The following AAK1 variants were observed in gnomAD, a reference collection of about 807,000 sequenced individuals.
AAK1 encodes the protein AP2 associated kinase 1, also known as AP2-associated protein kinase 1.
Under a neutral mutation model 116.0 loss-of-function variants are expected in AAK1, and 37 were observed. The observed-to-expected ratio is 0.32, with a 90% CI of 0.25 to 0.42. The LOEUF is 0.42. Among genes scored for constraint, AAK1 ranks in the 10% least tolerant of loss-of-function variants. The pLI, the probability that AAK1 is intolerant of heterozygous loss-of-function variation, is 1.00. For synonymous variants in AAK1, 458 were observed against 439.9 expected (o/e 1.04, Z -0.51); for missense variants, 919 against 1,170.6 (o/e 0.79, Z 3.14).
chr2:69,524,694 A>G (rs1215362701), intron 10 of AAK1, among the ~76,000 whole-genome samples: 1 of 152,080 alleles, frequency 6.6e-6, no homozygotes, highest in Non-Finnish European at 1.5e-5. Flanking sequence ...AGGCCTCCCA[A>G]AGTGCTGGGA....
chr2:69,638,703 G>A (rs1477038372), intron 2 of AAK1, among the ~76,000 whole-genome samples: 2 of 152,172 alleles, frequency 1.3e-5, no homozygotes, highest in Non-Finnish European at 2.9e-5. Context: ...CTCTCAGCCT[G>A]AGAGGTCCTG....
At position 69,546,968 on chromosome 2, in the gene AAK1, A is replaced by G. The variant is rs187308420; in HGVS notation, c.283-2424T>C. Among the ~76,000 whole-genome samples the G allele has an allele frequency of 4.5e-4, 68 of 152,312 alleles. No individual in the cohort carries two copies. In the East Asian group the frequency reaches 8.3e-3, roughly 19 times the overall value. On this transcript the variant is annotated intron_variant, in intron 3 of 21. Transcript: ENST00000409085. ...GGGAAGCAGTTCATTGATTTATATT[A>G]TGGCACAAGATCCTTTGAGTGGCAT...
At chr2:69,628,590 G>C (rs927917820) in intron 2 of AAK1, among the ~76,000 whole-genome samples, 2 of 152,110 alleles carry the variant, frequency 1.3e-5, no homozygotes, top group Non-Finnish European at 1.5e-5. Flanking sequence ...TGGTAGACTT[G>C]AACAACACTC....
At chr2:69,627,730 T>A (rs952504845) in intron 2 of AAK1, among the ~76,000 whole-genome samples, 3 of 152,168 alleles carry the variant, frequency 2.0e-5, no homozygotes, top group Non-Finnish European at 4.4e-5. Context: ...CCTTATGAGA[T>A]CTCACTCCAT....
chr2:69,561,783 T>G (rs1170126407), intron 2 of AAK1, among the ~76,000 whole-genome samples: 2 of 152,170 alleles, frequency 1.3e-5, no homozygotes, highest in Admixed American at 1.3e-4. Context: ...TTAAATAACT[T>G]TGGATCTGCT....
rs548438044 is a variant in AAK1 at position 69,476,966 on chromosome 2, G to A, written c.2705C>T (p.Ser902Leu). The A allele has an allele frequency of 2.5e-6, 4 of 1,612,894 alleles. No individual in the cohort carries two copies. The South Asian group carries it at 4.4e-5, about 18-fold the overall frequency. Reference protein sequence around the residue: ...HKAAEDSNLISGFDVPEGSDK... With the variant: ...HKAAEDSNLILGFDVPEGSDK... ...CGAGCCCTCAGGGACATCAAAACCT[G>A]AGATGAGATTACTATCTTCTGCAGC... The change falls in exon 21 of 22, where the codon TCA becomes TTA. Residue 902 changes from serine to leucine, a missense_variant. Transcript: ENST00000409085.
intron 15 of AAK1, 97 bp downstream of exon 15, chr2:69,507,324 T>C: frequency 1.4e-6 from 2 of 1,427,510 alleles, no homozygotes; most frequent in Admixed American, 2.3e-5. Flanking sequence ...TCCACATGCA[T>C]ACCCTTCTAG....
chr2:69,473,682 T>C lies in AAK1; in HGVS notation c.*2187A>G. On this transcript the variant is annotated 3_prime_UTR_variant, in exon 22 of 22. Transcript: ENST00000409085. Reference sequence around the variant, plus strand: ...AATTTCTAAACTGTACTCTTCATAGTTTCAATTAAATTGAGAAACTAGATA... The same window carrying C: ...AATTTCTAAACTGTACTCTTCATAGCTTCAATTAAATTGAGAAACTAGATA... 1 of 968,248 alleles carries C rather than the reference T, an allele frequency of 1.0e-6. No homozygotes were observed. The highest frequency in any genetic ancestry group is 4.8e-5 in the South Asian group (1 of 20,882). 60.0% of individuals were successfully genotyped at this position (968,248 alleles called of 1,614,324 possible).
intron 17 of AAK1, among the ~76,000 whole-genome samples, chr2:69,489,778 A>G (rs1675448403): frequency 6.6e-6 from 1 of 152,226 alleles, no homozygotes; most frequent in Non-Finnish European, 1.5e-5. Context: ...AGTTCTTAGC[A>G]TTGAGAAACC....
intron 4 of AAK1, among the ~76,000 whole-genome samples, chr2:69,543,332 A>G (rs1670798134): frequency 6.6e-6 from 1 of 152,240 alleles, no homozygotes; most frequent in Non-Finnish European, 1.5e-5. Flanking sequence ...AAATCAGGTA[A>G]ATAGTTAATA....
chr2:69,485,211 T>C (rs987591294), intron 17 of AAK1, among the ~76,000 whole-genome samples: 8 of 152,310 alleles, frequency 5.3e-5, no homozygotes, highest in Admixed American at 2.0e-4. Context: ...ATTTGCAATC[T>C]TGAAAAGCAA....
chr2:69,582,383 G>A (rs1157365737), intron 2 of AAK1, among the ~76,000 whole-genome samples: 1 of 145,876 alleles, frequency 6.9e-6, no homozygotes, highest in Non-Finnish European at 1.5e-5. Flanking sequence ...GCGTGTGTGT[G>A]CACGTGTGTG....
intron 2 of AAK1, among the ~76,000 whole-genome samples, chr2:69,573,465 G>C (rs989914433): frequency 2.6e-5 from 4 of 152,190 alleles, no homozygotes; most frequent in Non-Finnish European, 5.9e-5. Context: ...TAGTGGTAAG[G>C]CTACATGTCA....
At chr2:69,547,910 A>G (rs1670995882) in intron 3 of AAK1, among the ~76,000 whole-genome samples, 1 of 152,242 alleles carries the variant, frequency 6.6e-6, no homozygotes, top group African/African-American at 2.4e-5. Context: ...CACACAATGG[A>G]ATGAAATATT....
intron 19 of AAK1, 68 bp from the exon 20 acceptor site, chr2:69,479,129 G>A (rs774866997): frequency 1.5e-4 from 167 of 1,081,272 alleles, no homozygotes; most frequent in Non-Finnish European, 2.1e-4. Context: ...AATATCATGA[G>A]ATTAGATCTT....
chr2:69,632,205 C>A lies in AAK1; in HGVS notation c.163+10673G>T, dbSNP rs371969320. 5.9e-5 allele frequency among the ~76,000 whole-genome samples: 9 copies of A among 152,150 alleles called. No homozygotes were observed. In the East Asian group the frequency reaches 1.4e-3, roughly 23 times the overall value. ...GACCATTTTCTTCCTCAAAAAAGAC[C>A]AAAAATATTGCAATACTTACTTCAA... On this transcript the variant is annotated intron_variant, in intron 2 of 21. Transcript: ENST00000409085.
chr2:69,491,099 G>A (rs1295736569), intron 17 of AAK1, among the ~76,000 whole-genome samples: 1 of 151,568 alleles, frequency 6.6e-6, no homozygotes, highest in South Asian at 2.1e-4. Flanking sequence ...ACTATGCCTG[G>A]CTAATTAAAA....
chr2:69,484,097 T>G (rs1675198907), intron 17 of AAK1, among the ~76,000 whole-genome samples: 1 of 152,226 alleles, frequency 6.6e-6, no homozygotes, highest in Admixed American at 6.5e-5. Context: ...AACGTTCTTT[T>G]AAACCATGGA....
chr2:69,631,147 C>T (rs945783521), intron 2 of AAK1, among the ~76,000 whole-genome samples: 2 of 152,216 alleles, frequency 1.3e-5, no homozygotes, highest in Non-Finnish European at 2.9e-5. Context: ...ACCCAACCTA[C>T]GATGCCTTAG....
Sources: allele counts gnomAD v4.1 joint callset (sites outside exome capture counted in the v4.1 genomes callset), GRCh38; gene constraint gnomAD v4.1.1; transcripts MANE v1.5; gene names NCBI Gene and HGNC (gene_info 2026-07-23, HGNC 2026-07-21).